TTC17: variants seen among roughly 807,000 people sequenced by gnomAD.
The protein encoded by TTC17 is tetratricopeptide repeat protein 17.
A neutral mutation model predicts 143.8 loss-of-function variants in TTC17; 58 were observed. The ratio of observed to expected loss-of-function variants is 0.40; its 90% CI spans 0.33 to 0.50. TTC17 has a LOEUF of 0.50. Among genes scored for constraint, TTC17 ranks in the 20% least tolerant of loss-of-function variants. The pLI, the probability that TTC17 is intolerant of heterozygous loss-of-function variation, is 0.49. For missense variants in TTC17, 1,273 were observed against 1,392.5 expected, an observed-to-expected ratio of 0.91 and a Z score of 1.37; for synonymous variants, 501 against 497.8, an observed-to-expected ratio of 1.01 and a Z score of -0.09.
At chr11:43,481,117 TAGG>T (rs1288533623) in intron 21 of TTC17, among the ~76,000 whole-genome samples, 1 of 152,154 alleles carries the variant, frequency 6.6e-6, no homozygotes, top group African/African-American at 2.4e-5. Context: ...CAATAATTAT[TAGG>T]AGTAGAGAGA....
chr11:43,420,353 G>A (rs150027553), intron 16 of TTC17, among the ~76,000 whole-genome samples: 32 of 152,224 alleles, frequency 2.1e-4, no homozygotes, highest in African/African-American at 7.7e-4. Flanking sequence ...TATAAAAATG[G>A]TATAATCACT....
chr11:43,447,065 A>G (rs1947559504), intron 18 of TTC17, among the ~76,000 whole-genome samples: 1 of 152,118 alleles, frequency 6.6e-6, no homozygotes, highest in Admixed American at 6.5e-5. Flanking sequence ...CACATCTGTA[A>G]TCCCAGCACT....
chr11:43,381,733 C>T (rs531166964), intron 2 of TTC17, among the ~76,000 whole-genome samples: 2 of 151,982 alleles, frequency 1.3e-5, no homozygotes, highest in Admixed American at 6.6e-5. Flanking sequence ...CTGGATAGAA[C>T]CTGGAAACAA....
In TTC17 at chr11:43,450,096, T is replaced by C. The variant is rs765322954; in HGVS notation, c.2801T>C (p.Ile934Thr). The C allele has an allele frequency of 4.3e-6, 7 of 1,613,868 alleles. No individual in the cohort carries two copies. Among genetic ancestry groups the C allele is most frequent in the Non-Finnish European group, 5.9e-6 (7 of 1,179,900 alleles). The stretch of plus-strand genomic sequence containing the variant: ...CCATTTTTCAGCATCACAGAACACA[T>C]AGATTTTGCCACCCCTATACAGCAG... ...SSKNIDITEH[I>T]DFATPIQQPA... Residue 934 changes from isoleucine (I) to threonine (T), a missense_variant, in exon 20 of 24, where the codon ATA becomes ACA. Ile to Thr is a moderately conservative substitution (Grantham distance 89). This residue lies in a region of TTC17 where 878 missense variants were observed against 899.8 expected (regional missense o/e 0.98). Transcript: ENST00000039989.
chr11:43,391,238 A>G (rs1018633310), intron 3 of TTC17, among the ~76,000 whole-genome samples: 5 of 152,054 alleles, frequency 3.3e-5, no homozygotes, highest in Non-Finnish European at 5.9e-5. Flanking sequence ...TCTCAACAAA[A>G]AGTAAAAAAA....
chr11:43,415,634 T>C (rs1365227194), intron 16 of TTC17, among the ~76,000 whole-genome samples: 6 of 152,216 alleles, frequency 3.9e-5, no homozygotes, highest in Admixed American at 2.6e-4. Flanking sequence ...CATCCACTTA[T>C]TTATGTGACT....
chr11:43,481,600 T>G (rs974264648), intron 21 of TTC17, among the ~76,000 whole-genome samples: 2 of 152,162 alleles, frequency 1.3e-5, no homozygotes, highest in African/African-American at 4.8e-5. Flanking sequence ...TCTGGTGATC[T>G]TTGGTAATTG....
chr11:43,464,001 C>T (rs371793690), intron 21 of TTC17, among the ~76,000 whole-genome samples: 7 of 152,256 alleles, frequency 4.6e-5, no homozygotes, highest in South Asian at 2.1e-4. Context: ...TTCCACGGGG[C>T]GTGGTGGCTC....
chr11:43,372,159 G>A (rs895274917), intron 1 of TTC17, among the ~76,000 whole-genome samples: 1 of 152,150 alleles, frequency 6.6e-6, no homozygotes, highest in Non-Finnish European at 1.5e-5. Context: ...ACTGTTGTTA[G>A]GAATTTAAGT....
intron 1 of TTC17, among the ~76,000 whole-genome samples, chr11:43,364,919 C>A (rs1322168202): frequency 6.6e-6 from 1 of 152,124 alleles, no homozygotes; most frequent in Non-Finnish European, 1.5e-5. Context: ...GGTTTTCCTG[C>A]CTCAGCCTCC....
At position 43,443,310 on chromosome 11, in the gene TTC17, G is replaced by A. The variant is rs778164928; in HGVS notation, c.2252-15G>A. On this transcript the variant is annotated splice_polypyrimidine_tract_variant and intron_variant, in intron 16 of 23. Coordinates refer to ENST00000039989, the MANE Select transcript of TTC17 (RefSeq NM_018259.6). ...CTGTGTACCTTTTACTAACGTGCTGGCCCTTGAATTTCAGGTACGGTGGTT... is the reference window on the plus strand; with the variant it reads ...CTGTGTACCTTTTACTAACGTGCTGACCCTTGAATTTCAGGTACGGTGGTT... 1.6e-5 allele frequency: 26 copies of A among 1,613,334 alleles called. No homozygotes were observed. The East Asian group carries it at 5.3e-4, about 33-fold the overall frequency.
At chr11:43,420,610 G>T (rs571805009) in intron 16 of TTC17, among the ~76,000 whole-genome samples, 7 of 151,926 alleles carry the variant, frequency 4.6e-5, no homozygotes, top group Non-Finnish European at 1.0e-4. Flanking sequence ...TTTTCTTTTG[G>T]GATTTCCAGC....
chr11:43,481,809 T>G lies in TTC17; in HGVS notation c.3031-8430T>G, dbSNP rs962114138. On this transcript the variant is annotated intron_variant, in intron 21 of 23. Coordinates refer to ENST00000039989, the MANE Select transcript of TTC17 (RefSeq NM_018259.6). ...AAGTTTATGAATTTTATTGATTTTT[T>G]TTGTTGTTGGGGAATAGGGGGACAG... Among the ~76,000 whole-genome samples the G allele has an allele frequency of 6.6e-5, 10 of 152,202 alleles. No individual in the cohort carries two copies. The South Asian group carries it at 1.2e-3, about 19-fold the overall frequency.
chr11:43,403,675 TAATG>T (rs764237550), intron 10 of TTC17, among the ~76,000 whole-genome samples: 3 of 138,382 alleles, frequency 2.2e-5, no homozygotes, highest in Non-Finnish European at 5.0e-5. Context: ...AAAAGGGGAA[TAATG>T]AACCAGATTT....
rs780308736 is a variant in TTC17 at position 43,414,602 on chromosome 11, T to A, written c.2077T>A (p.Leu693Met). 3.1e-6 allele frequency: 5 copies of A among 1,600,994 alleles called. No homozygotes were observed. The African/African-American group carries it at 6.8e-5, about 22-fold the overall frequency. ...AINSSEPLTF[L>M]SLGNAYLALK... Reference sequence around the variant, plus strand: ...TTTTTCTTTTCAGCCTCTGACCTTTTTGAGCCTGGGAAATGCTTACCTTGC... The same window carrying A: ...TTTTTCTTTTCAGCCTCTGACCTTTATGAGCCTGGGAAATGCTTACCTTGC... Residue 693 changes from leucine to methionine, a missense_variant, in exon 16 of 24, where the codon TTG (leucine) becomes ATG (methionine). This residue lies in a region of TTC17 where 878 missense variants were observed against 899.8 expected (regional missense o/e 0.98). Transcript: ENST00000039989.
intron 15 of TTC17, among the ~76,000 whole-genome samples, chr11:43,414,265 G>A (rs558404886): frequency 7.9e-5 from 12 of 152,112 alleles, no homozygotes; most frequent in Non-Finnish European, 1.8e-4. Flanking sequence ...TCACAACAAT[G>A]GTTACTTCTG....
chr11:43,410,425 G>C (rs186411416), intron 15 of TTC17, among the ~76,000 whole-genome samples: 110 of 152,228 alleles, frequency 7.2e-4, no homozygotes, highest in African/African-American at 2.5e-3. Context: ...TCTTTGAATA[G>C]TTGGCTCTCA....
At chr11:43,411,023 C>T (rs1858387494) in intron 15 of TTC17, among the ~76,000 whole-genome samples, 1 of 152,102 alleles carries the variant, frequency 6.6e-6, no homozygotes, top group Non-Finnish European at 1.5e-5. Flanking sequence ...TGCCATTGTC[C>T]CCCAGTCTGT....
chr11:43,414,624 T>G lies in TTC17; in HGVS notation c.2099T>G (p.Leu700Arg), dbSNP rs772389552. Residue 700 changes from leucine to arginine, a missense_variant, in exon 16 of 24, where the codon CTT becomes CGT. Transcript: ENST00000039989. ...TTTTTGAGCCTGGGAAATGCTTACCTTGCTCTGAAGAATATCAGTGGGGCA... is the reference window on the plus strand; with the variant it reads ...TTTTTGAGCCTGGGAAATGCTTACCGTGCTCTGAAGAATATCAGTGGGGCA... ...LTFLSLGNAY[L>R]ALKNISGALE... 9.9e-6 allele frequency: 16 copies of G among 1,612,268 alleles called. No homozygotes were observed. The highest frequency in any genetic ancestry group is 1.3e-5 in the Non-Finnish European group (15 of 1,179,210).
Sources: gnomAD v4.1 joint callset for allele counts (sites outside exome capture counted in the v4.1 genomes callset) on GRCh38, gnomAD v4.1.1 for gene constraint, gnomAD v4.1.1 regional missense constraint, MANE v1.5 for transcripts, NCBI Gene and HGNC (gene_info 2026-07-23, HGNC 2026-07-21) for gene names.